DOCK9: variants seen among roughly 807,000 people sequenced by gnomAD.
DOCK9 encodes dedicator of cytokinesis 9, also known as dedicator of cytokinesis protein 9.
A neutral mutation model predicts 263.3 loss-of-function variants in DOCK9; 89 were observed. The observed-to-expected ratio is 0.34, with a 90% confidence interval of 0.28 to 0.40. The LOEUF (loss-of-function observed/expected upper bound fraction) is 0.40, where lower values mean the gene tolerates loss of function less well. DOCK9 is among the 10% of genes least tolerant of loss of function. The pLI, the probability that DOCK9 is intolerant of heterozygous loss-of-function variation, is 1.00. For missense variants in DOCK9, 2,140 were observed against 2,603.4 expected, an observed-to-expected ratio of 0.82 and a Z score of 3.87; for synonymous variants, 976 against 973.1, an observed-to-expected ratio of 1.00 and a Z score of -0.06.
At chr13:98,940,565 G>A (rs1338733230) in intron 2 of DOCK9, among the ~76,000 whole-genome samples, 1 of 152,054 alleles carries the variant, frequency 6.6e-6, no homozygotes, top group Non-Finnish European at 1.5e-5. Context: ...CAGCTAGCTG[G>A]GCTGAGTCTT....
intron 1 of DOCK9, among the ~76,000 whole-genome samples, chr13:98,964,875 G>C (rs577485295): frequency 6.6e-6 from 1 of 152,328 alleles, no homozygotes; most frequent in Non-Finnish European, 1.5e-5. Flanking sequence ...AGGAGCACCG[G>C]ATGGGCCAGT....
intron 1 of DOCK9, among the ~76,000 whole-genome samples, chr13:99,071,306 CTTTTTTTTT>C (rs71114578): frequency 1.0e-4 from 5 of 49,330 alleles, no homozygotes; most frequent in East Asian, 1.3e-3. Context: ...CCATGCCTGG[CTTTTTTTTT>C]TTTTTTTTTT....
At chr13:98,979,601 T>C (rs1595808895), upstream of DOCK9, among the ~76,000 whole-genome samples, 1 of 152,306 alleles carries the variant, frequency 6.6e-6, no homozygotes, top group Non-Finnish European at 1.5e-5. Context: ...GTCCATCAAA[T>C]AAATTAATGG....
At chr13:98,984,286 G>T (rs1383903540) in intron 1 of DOCK9, among the ~76,000 whole-genome samples, 2 of 152,204 alleles carry the variant, frequency 1.3e-5, no homozygotes, top group African/African-American at 4.8e-5. Flanking sequence ...CATCAGGCAT[G>T]AGGTAAACAA....
chr13:99,034,502 A>T (rs765553796), intron 1 of DOCK9, among the ~76,000 whole-genome samples: 1 of 152,210 alleles, frequency 6.6e-6, no homozygotes, highest in Non-Finnish European at 1.5e-5. Flanking sequence ...TGACTGTTGT[A>T]ACCTTGAGTC....
At position 98,958,530 on chromosome 13, in the gene DOCK9, C is replaced by T. The variant is rs1450841921; in HGVS notation, c.127-2979G>A. Among the ~76,000 whole-genome samples the T allele has an allele frequency of 2.0e-5, 3 of 152,248 alleles. No individual in the cohort carries two copies. In the East Asian group the frequency reaches 5.8e-4, roughly 29 times the overall value. ...ACTTTGCCAGCCTTACAGTTTCTGT[C>T]ACAACTGGTAAACTCTGCCATTGCG... is the stretch of plus-strand genomic sequence containing the variant. On this transcript the variant is annotated intron_variant, in intron 1 of 52. Transcript: ENST00000682017.
In DOCK9 at chr13:98,915,475, T is replaced by C. The variant is rs1466848812; in HGVS notation, c.746A>G (p.Glu249Gly). Reference sequence around the variant, plus strand: ...ACTACTTTTGTCCTGCATCTTGAGCTCAAAAGCAAAACGCCTGACTTTGTT... The same window carrying C: ...ACTACTTTTGTCCTGCATCTTGAGCCCAAAAGCAAAACGCCTGACTTTGTT... ...QNNKVRRFAF[E>G]LKMQDKSSYL... Residue 249 changes from glutamate to glycine, a missense_variant, in exon 8 of 53, where the codon GAG (glutamate) becomes GGG (glycine). Physicochemically the swap from Glu to Gly is moderately conservative, Grantham distance 98 (BLOSUM62 -2). Around this residue, in one of 2 missense-constraint regions of DOCK9, gnomAD observed 1,521 missense variants for 1,741.7 expected, o/e 0.87. Transcript: ENST00000682017. 1 of 1,613,282 alleles carries C rather than the reference T, an allele frequency of 6.2e-7. No homozygotes were observed. The highest frequency in any genetic ancestry group is 8.5e-7 in the Non-Finnish European group (1 of 1,179,668).
intron 13 of DOCK9, among the ~76,000 whole-genome samples, chr13:98,899,687 C>A (rs1365430251): frequency 1.3e-5 from 2 of 152,096 alleles, no homozygotes; most frequent in African/African-American, 4.8e-5. Flanking sequence ...TTGGTTCTAA[C>A]AATGATGAAT....
At chr13:98,860,030 T>G (rs2093815840) in intron 33 of DOCK9, 2 of 285,064 alleles carry the variant, frequency 7.0e-6, no homozygotes, top group African/African-American at 4.4e-5. Flanking sequence ...TACTATGTCA[T>G]ATTTCATCAA....
intron 2 of DOCK9, among the ~76,000 whole-genome samples, chr13:98,932,085 TTAGG>T (rs1017312232): frequency 6.6e-6 from 1 of 152,150 alleles, no homozygotes; most frequent in African/African-American, 2.4e-5. Context: ...ACTGTAACCC[TTAGG>T]TACTATTAAC....
rs1275884173 is a variant in DOCK9 at position 98,793,442 on chromosome 13, G to A, written c.*1184C>T. The A allele has an allele frequency of 2.0e-5, 3 of 152,304 alleles. No individual in the cohort carries two copies. Among genetic ancestry groups the A allele is most frequent in the African/African-American group, 7.2e-5 (3 of 41,412 alleles). 9.4% of individuals were successfully genotyped at this position (152,304 alleles called of 1,614,324 possible). ...TTCACTCTGAGGATTTTGGTATCCTGTTCCCTTAGGACTGCTGAACAATAA... is the reference window on the plus strand; with the variant it reads ...TTCACTCTGAGGATTTTGGTATCCTATTCCCTTAGGACTGCTGAACAATAA... On this transcript the variant is annotated 3_prime_UTR_variant, in exon 53 of 53. Coordinates refer to ENST00000682017, the MANE Select transcript of DOCK9 (RefSeq NM_001366683.2).
intron 2 of DOCK9, among the ~76,000 whole-genome samples, chr13:98,937,846 A>C (rs2055147248): frequency 6.6e-6 from 1 of 152,230 alleles, no homozygotes; most frequent in Non-Finnish European, 1.5e-5. Context: ...TTACTTAAAA[A>C]AAGAAAAGTT....
intron 15 of DOCK9, among the ~76,000 whole-genome samples, chr13:98,893,666 G>A (rs1373089566): frequency 1.3e-5 from 2 of 152,160 alleles, no homozygotes; most frequent in East Asian, 3.8e-4. Flanking sequence ...AATCATGGGG[G>A]TAGAAACAAT....
At chr13:98,817,292 C>G (rs2091931118) in intron 45 of DOCK9, among the ~76,000 whole-genome samples, 1 of 151,968 alleles carries the variant, frequency 6.6e-6, no homozygotes, top group Non-Finnish European at 1.5e-5. Flanking sequence ...GCTTGCTTCC[C>G]CTTCACCTTC....
chr13:99,031,704 T>C (rs1205142196), intron 1 of DOCK9, among the ~76,000 whole-genome samples: 3 of 152,320 alleles, frequency 2.0e-5, no homozygotes, highest in Admixed American at 6.5e-5. Context: ...CCAGGCCCCC[T>C]AGCAAAACTT....
chr13:98,937,359 C>T (rs954834499), intron 2 of DOCK9, among the ~76,000 whole-genome samples: 1 of 151,380 alleles, frequency 6.6e-6, no homozygotes, highest in African/African-American at 2.4e-5. Context: ...AGGTATGCAC[C>T]TGCAAGAAAG....
At chr13:99,034,901 T>C (rs9300526) in intron 1 of DOCK9, among the ~76,000 whole-genome samples, 75,317 of 151,994 alleles carry the variant, frequency 0.5, 18,942 homozygotes, top group East Asian at 0.65. Context: ...GCCATATGGA[T>C]GCATTTGGAT....
At chr13:98,809,252 A>G (rs2091044691) in intron 47 of DOCK9, 100 bp downstream of exon 47, 1 of 1,259,888 alleles carries the variant, frequency 7.9e-7, no homozygotes, top group Admixed American at 2.4e-5. Flanking sequence ...GAAAACAGAG[A>G]ATTTATAAGA....
At chr13:98,808,417 T>A (rs559536085) in intron 47 of DOCK9, among the ~76,000 whole-genome samples, 1 of 152,288 alleles carries the variant, frequency 6.6e-6, no homozygotes, top group East Asian at 1.9e-4. Flanking sequence ...TAGAATTGCA[T>A]GGGAAGTGAA....
Sources: allele counts gnomAD v4.1 joint callset (sites outside exome capture counted in the v4.1 genomes callset), GRCh38; gene constraint gnomAD v4.1.1; regional missense constraint gnomAD v4.1.1; transcripts MANE v1.5; gene names NCBI Gene and HGNC (gene_info 2026-07-23, HGNC 2026-07-21).